Variants in GTF2B observed in about 807,000 individuals in gnomAD.
GTF2B encodes general transcription factor IIB, also known as transcription initiation factor IIB.
Under a neutral mutation model 34.6 loss-of-function variants are expected in GTF2B, and 20 were observed. That is an observed-to-expected ratio of 0.58 (90% confidence interval 0.41 to 0.84). The LOEUF (loss-of-function observed/expected upper bound fraction) is 0.84, where lower values mean the gene tolerates loss of function less well. Ranked by LOEUF, GTF2B falls within the 40% of genes least tolerant of loss-of-function variation. GTF2B has a pLI of 0.00. For synonymous variants in GTF2B, 142 were observed against 132.4 expected (o/e 1.07, Z -0.50); for missense variants, 237 against 393.3 (o/e 0.60, Z 3.36).
At chr1:88,856,197 G>A (rs1432473475) in intron 6 of GTF2B, among the ~76,000 whole-genome samples, 3 of 148,858 alleles carry the variant, frequency 2.0e-5, no homozygotes, top group African/African-American at 7.4e-5. Flanking sequence ...TTGTCCGGGA[G>A]GTGGAGGTTG....
chr1:88,880,178 A>T (rs1286041611), intron 2 of GTF2B, among the ~76,000 whole-genome samples: 1 of 152,242 alleles, frequency 6.6e-6, no homozygotes, highest in Non-Finnish European at 1.5e-5. Flanking sequence ...CAATGTAAAA[A>T]ATTTTATGGC....
At chr1:88,876,744 A>G (rs1673827448) in intron 2 of GTF2B, among the ~76,000 whole-genome samples, 1 of 152,216 alleles carries the variant, frequency 6.6e-6, no homozygotes, top group African/African-American at 2.4e-5. Flanking sequence ...TATATATTTT[A>G]TACATTATTT....
chr1:88,857,851 T>G (rs1673351733), intron 5 of GTF2B, among the ~76,000 whole-genome samples: 1 of 151,418 alleles, frequency 6.6e-6, no homozygotes, highest in African/African-American at 2.4e-5. Flanking sequence ...CTGGCTAACT[T>G]TTGTATTTTT....
At chr1:88,868,044 T>A (rs1440128503) in intron 2 of GTF2B, among the ~76,000 whole-genome samples, 1 of 152,204 alleles carries the variant, frequency 6.6e-6, no homozygotes, top group Admixed American at 6.5e-5. Flanking sequence ...GCAGATTAAG[T>A]GCATGAGTAA....
chr1:88,875,540 G>GA (rs1166227620), intron 2 of GTF2B, among the ~76,000 whole-genome samples: 4 of 152,170 alleles, frequency 2.6e-5, no homozygotes. Context: ...AATAAATTTG[G>GA]CCACTCACTC....
chr1:88,855,064 A>G (rs1336354917), intron 6 of GTF2B, among the ~76,000 whole-genome samples: 1 of 152,212 alleles, frequency 6.6e-6, no homozygotes, highest in Admixed American at 6.5e-5. Flanking sequence ...GAAAGCAACA[A>G]GATTAATGTT....
intron 3 of GTF2B, 75 bp downstream of exon 3, chr1:88,863,906 C>G (rs528108775): frequency 2.2e-6 from 3 of 1,386,008 alleles, no homozygotes; most frequent in South Asian, 2.4e-5. Flanking sequence ...GTGACTGATA[C>G]TTTTGCAAAG....
At chr1:88,887,399 C>A in intron 1 of GTF2B, 32 bp from the exon 2 acceptor site, 7 of 1,252,600 alleles carry the variant, frequency 5.6e-6, no homozygotes, top group South Asian at 1.2e-5. Context: ...TTTACATCTT[C>A]CCAACCAACA....
At chr1:88,885,432 C>T (rs1477509023) in intron 2 of GTF2B, among the ~76,000 whole-genome samples, 2 of 149,766 alleles carry the variant, frequency 1.3e-5, no homozygotes, top group African/African-American at 4.9e-5. Context: ...AAAAGGGCAA[C>T]AAGAGCGAAA....
intron 2 of GTF2B, among the ~76,000 whole-genome samples, chr1:88,874,221 T>C (rs184945099): frequency 8.5e-5 from 13 of 152,242 alleles, no homozygotes; most frequent in Admixed American, 8.5e-4. Flanking sequence ...AGGAAGTAAA[T>C]ACTGAGGAGG....
chr1:88,889,575 G>A (rs1285643199), intron 1 of GTF2B, among the ~76,000 whole-genome samples: 1 of 152,234 alleles, frequency 6.6e-6, no homozygotes, highest in African/African-American at 2.4e-5. Flanking sequence ...ATTATGCTCA[G>A]AGAATGATTT....
At chr1:88,871,842 C>G (rs2100972008) in intron 2 of GTF2B, among the ~76,000 whole-genome samples, 1 of 152,246 alleles carries the variant, frequency 6.6e-6, no homozygotes, top group Admixed American at 6.5e-5. Context: ...AGCAATTCTC[C>G]TAATTCAGCC....
chr1:88,885,272 C>A (rs1486211897), intron 2 of GTF2B, among the ~76,000 whole-genome samples: 1 of 146,328 alleles, frequency 6.8e-6, no homozygotes, highest in Non-Finnish European at 1.5e-5. Context: ...AACCCTGTCT[C>A]TACTAAAAAT....
chr1:88,859,823 G>A (rs751644657), intron 5 of GTF2B, 59 bp downstream of exon 5: 25 of 1,509,428 alleles, frequency 1.7e-5, no homozygotes, highest in Non-Finnish European at 2.3e-5. Context: ...GCGACAAAGT[G>A]AGACCCTATC....
intron 6 of GTF2B, among the ~76,000 whole-genome samples, chr1:88,854,593 C>G (rs1339271845): frequency 6.6e-6 from 1 of 152,144 alleles, no homozygotes; most frequent in Non-Finnish European, 1.5e-5. Context: ...ACCTCTGCCT[C>G]CCCGGTTCAA....
rs779320166 is a variant in GTF2B at position 88,859,857 on chromosome 1, C to CA, written c.535+24dup. ...TCTCAAACAAACAAACAAACAAACA[C>CA]AAAAAAACAAAGCTAAAAACTTACC... On this transcript the variant is annotated intron_variant, in intron 5 of 6. Coordinates refer to ENST00000370500, the MANE Select transcript of GTF2B (RefSeq NM_001514.6). 8 of 1,603,344 alleles carry CA rather than the reference C, an allele frequency of 5.0e-6. No individual in the cohort carries two copies. The East Asian group carries it at 1.1e-4, about 22-fold the overall frequency.
At chr1:88,859,605 G>C (rs905763682) in intron 5 of GTF2B, among the ~76,000 whole-genome samples, 1 of 152,194 alleles carries the variant, frequency 6.6e-6, no homozygotes, top group Non-Finnish European at 1.5e-5. Context: ...GGAGGCCAAA[G>C]TGGGCAGATC....
At chr1:88,859,284 C>T (rs1673385769) in intron 5 of GTF2B, among the ~76,000 whole-genome samples, 1 of 152,100 alleles carries the variant, frequency 6.6e-6, no homozygotes, top group South Asian at 2.1e-4. Context: ...GATTATAGGC[C>T]TTCTGAAAGC....
rs991653066 is a variant in GTF2B, at chr1:88,857,162, G to A, written c.817+44C>T. On this transcript the variant is annotated intron_variant, in intron 6 of 6. Transcript: ENST00000370500. The stretch of plus-strand genomic sequence containing the variant: ...TAAAATGGAAAAACAATCACATGCT[G>A]CAAATTTCAGTTTACTGCCACACTT... The A allele has an allele frequency of 4.6e-6, 7 of 1,536,184 alleles. No individual in the cohort carries two copies. The Admixed American group carries it at 9.9e-5, about 22-fold the overall frequency.
Sources: gnomAD v4.1 joint callset for allele counts (sites outside exome capture counted in the v4.1 genomes callset) on GRCh38, gnomAD v4.1.1 for gene constraint, MANE v1.5 for transcripts, NCBI Gene and HGNC (gene_info 2026-07-23, HGNC 2026-07-21) for gene names.